Variants in TBCE observed in about 807,000 individuals in gnomAD.
The protein encoded by TBCE is tubulin folding cofactor E.
Under a neutral mutation model 77.0 loss-of-function variants are expected in TBCE, and 53 were observed. The observed-to-expected ratio is 0.69, with a 90% CI of 0.55 to 0.87. TBCE has a LOEUF of 0.87. TBCE is among the 40% of genes least tolerant of loss of function. The probability of loss-of-function intolerance (pLI) is 0.00; values close to 1 mark genes in which losing one functional copy is unlikely to be tolerated. For synonymous variants in TBCE, 235 were observed against 241.3 expected, an observed-to-expected ratio of 0.97 and a Z score of 0.24; for missense variants, 624 against 622.4, an observed-to-expected ratio of 1.00 and a Z score of -0.03.
intron 3 of TBCE, among the ~76,000 whole-genome samples, chr1:235,410,564 T>G (rs1679728604): frequency 6.6e-6 from 1 of 152,184 alleles, no homozygotes. Context: ...TAATGACCTG[T>G]ATCTTGTACC....
intron 3 of TBCE, among the ~76,000 whole-genome samples, chr1:235,405,851 G>A (rs1679393412): frequency 6.6e-6 from 1 of 152,114 alleles, no homozygotes; most frequent in Admixed American, 6.6e-5. Context: ...TTGTACTACA[G>A]CATTAAGACA....
intron 2 of TBCE, among the ~76,000 whole-genome samples, chr1:235,393,542 A>AG (rs1433700877): frequency 6.6e-6 from 1 of 152,220 alleles, no homozygotes; most frequent in Non-Finnish European, 1.5e-5. Flanking sequence ...TCTAAAAAAA[A>AG]TAGTATTTAT....
At position 235,452,065 on chromosome 1, in the gene TBCE, T is replaced by G. The variant is rs1682939479; in HGVS notation, c.*3303T>G. 6.6e-6 allele frequency: 1 copy of G among 152,072 alleles called. No homozygotes were observed. Among genetic ancestry groups the G allele is most frequent in the Non-Finnish European group, 1.5e-5 (1 of 68,100 alleles). 9.4% of individuals were successfully genotyped at this position (152,072 alleles called of 1,614,324 possible). A position where few individuals can be genotyped will look rare whatever the true frequency, so the allele number is the denominator to read the frequency against. On this transcript the variant is annotated 3_prime_UTR_variant, in exon 17 of 17. Transcript: ENST00000642610. ...TCTCGCTCTGTCGCCCAGGCTGGAG[T>G]ACAGTGGTGTGATCTTGGCTCACTG...
rs144747353 is a variant in TBCE, at chr1:235,414,441, C to T, written c.194C>T (p.Thr65Ile). The change falls in exon 4 of 17, where the codon ACA becomes ATA. Residue 65 changes from threonine (T) to isoleucine (I), a missense_variant. Transcript: ENST00000642610. Reference protein sequence around the residue: ...GTVYFKCRHPTGGSFIRPNKV... With the variant: ...GTVYFKCRHPIGGSFIRPNKV... Reference sequence around the variant, plus strand: ...TTGCTCTTCTTTACCAGGCACCCGACAGGAGGATCCTTTATTCGTCCGAAC... The same window carrying T: ...TTGCTCTTCTTTACCAGGCACCCGATAGGAGGATCCTTTATTCGTCCGAAC... 20 of 1,613,550 alleles carry T rather than the reference C, an allele frequency of 1.2e-5. No individual in the cohort carries two copies. Among genetic ancestry groups the T allele is most frequent in the Admixed American group, 6.7e-5 (4 of 59,952 alleles).
rs1391238859 is a variant in TBCE, at chr1:235,397,029, C to CT, written c.101-4474_101-4473insT. On this transcript the variant is annotated intron_variant, in intron 2 of 16. Coordinates refer to ENST00000642610, the MANE Select transcript of TBCE (RefSeq NM_003193.5). Reference sequence around the variant, plus strand: ...CTCGCTCTGTCTCCAAGCTGGAGTGCAGTAGCGCCATCTTGGCTCACTGCA... The same window carrying CT: ...CTCGCTCTGTCTCCAAGCTGGAGTGCTAGTAGCGCCATCTTGGCTCACTGCA... Among the ~76,000 whole-genome samples the CT allele has an allele frequency of 2.6e-5, 4 of 151,914 alleles. No individual in the cohort carries two copies. The East Asian group carries it at 7.7e-4, about 29-fold the overall frequency.
intron 2 of TBCE, among the ~76,000 whole-genome samples, chr1:235,395,379 T>C (rs1678659205): frequency 6.6e-6 from 1 of 152,048 alleles, no homozygotes; most frequent in Non-Finnish European, 1.5e-5. Flanking sequence ...CCCTTTTAGT[T>C]ATATAAAGAT....
At chr1:235,424,591 C>T (rs183598491) in intron 5 of TBCE, among the ~76,000 whole-genome samples, 19 of 151,720 alleles carry the variant, frequency 1.3e-4, no homozygotes, top group East Asian at 7.7e-4. Flanking sequence ...CTGTTACCTC[C>T]GCCTCCCAGG....
chr1:235,399,067 C>G (rs1678925367), intron 2 of TBCE, among the ~76,000 whole-genome samples: 1 of 152,122 alleles, frequency 6.6e-6, no homozygotes, highest in Admixed American at 6.5e-5. Context: ...GATCCTCCCA[C>G]CTCAGCCTTC....
At chr1:235,376,037 C>G (rs1379208697) in intron 1 of TBCE, among the ~76,000 whole-genome samples, 1 of 152,068 alleles carries the variant, frequency 6.6e-6, no homozygotes. Context: ...CAGAGCGAGA[C>G]TCTTCTCAAA....
At position 235,437,437 on chromosome 1, in the gene TBCE, C is replaced by A. The variant is rs1177122960; in HGVS notation, c.1079C>A (p.Ala360Asp). The change falls in exon 12 of 17, where the codon GCC (alanine) becomes GAC (aspartate). Residue 360 changes from alanine to aspartate, a missense_variant. By Grantham distance (126) the Ala-to-Asp change is moderately radical. Coordinates refer to ENST00000642610, the MANE Select transcript of TBCE (RefSeq NM_003193.5). Reference protein sequence around the residue: ...EAETARLLIIASIGQLKTLNK... With the variant: ...EAETARLLIIDSIGQLKTLNK... Reference sequence around the variant, plus strand: ...GAGACGGCGCGACTACTCATTATCGCCAGCATTGGCCAGCTGAAGACGCTG... The same window carrying A: ...GAGACGGCGCGACTACTCATTATCGACAGCATTGGCCAGCTGAAGACGCTG... 6 of 1,614,012 alleles carry A rather than the reference C, an allele frequency of 3.7e-6. No homozygotes were observed. In the Admixed American group the frequency reaches 6.7e-5, roughly 18 times the overall value.
chr1:235,398,885 T>C (rs1678914095), intron 2 of TBCE, among the ~76,000 whole-genome samples: 1 of 152,040 alleles, frequency 6.6e-6, no homozygotes, highest in African/African-American at 2.4e-5. Context: ...GCTCAAGCAA[T>C]CAGCCAGTCT....
intron 8 of TBCE, 39 bp downstream of exon 8, chr1:235,434,319 A>G (rs773053305): frequency 9.5e-5 from 144 of 1,512,562 alleles, no homozygotes; most frequent in Non-Finnish European, 1.3e-4. Flanking sequence ...TCCCCATTTA[A>G]TCATCATTCT....
intron 15 of TBCE, among the ~76,000 whole-genome samples, chr1:235,446,435 C>T (rs1036831117): frequency 6.6e-6 from 1 of 152,022 alleles, no homozygotes; most frequent in Non-Finnish European, 1.5e-5. Context: ...CCTCGGCCTC[C>T]CAAAGTGTTG....
rs112728551 is a variant in TBCE, at chr1:235,438,172, C to T, written c.1117-597C>T. On this transcript the variant is annotated intron_variant, in intron 12 of 16. Transcript: ENST00000642610. Reference sequence around the variant, plus strand: ...AGTCAGTCAGCTCCACCAGAGCAGGCGCCTCCAGGCAGACCTGGGGGAGGC... The same window carrying T: ...AGTCAGTCAGCTCCACCAGAGCAGGTGCCTCCAGGCAGACCTGGGGGAGGC... 2.7e-4 allele frequency among the ~76,000 whole-genome samples: 41 copies of T among 152,360 alleles called. 1 individual carries two copies. The highest frequency in any genetic ancestry group is 6.5e-4 in the Admixed American group (10 of 15,300).
chr1:235,403,868 T>TG (rs1679262378), intron 3 of TBCE, among the ~76,000 whole-genome samples: 1 of 152,206 alleles, frequency 6.6e-6, no homozygotes, highest in Non-Finnish European at 1.5e-5. Context: ...GGCTACTGTA[T>TG]GGCATAGCCT....
At chr1:235,387,705 C>T (rs1347365464) in intron 2 of TBCE, among the ~76,000 whole-genome samples, 1 of 152,146 alleles carries the variant, frequency 6.6e-6, no homozygotes, top group Non-Finnish European at 1.5e-5. Flanking sequence ...CATCTGTCAC[C>T]CCTTTCTTTG....
At chr1:235,410,819 T>G (rs905616416) in intron 3 of TBCE, among the ~76,000 whole-genome samples, 1 of 152,188 alleles carries the variant, frequency 6.6e-6, no homozygotes, top group African/African-American at 2.4e-5. Context: ...GCCTAACTGT[T>G]GGGTCTCTTG....
intron 1 of TBCE, among the ~76,000 whole-genome samples, chr1:235,374,768 TG>T (rs1167765323): frequency 1.4e-5 from 2 of 145,472 alleles, no homozygotes; most frequent in Admixed American, 1.4e-4. Flanking sequence ...CCCGAAGTGC[TG>T]GGATTACAGG....
At chr1:235,369,832 C>CAAA (rs113566222) in intron 1 of TBCE, among the ~76,000 whole-genome samples, 1 of 112,114 alleles carries the variant, frequency 8.9e-6, no homozygotes, top group Non-Finnish European at 2.0e-5. Context: ...AACTCTGTCT[C>CAAA]AAAAAAAAAA....
Sources: allele counts gnomAD v4.1 joint callset (sites outside exome capture counted in the v4.1 genomes callset), GRCh38; gene constraint gnomAD v4.1.1; transcripts MANE v1.5; gene names NCBI Gene and HGNC (gene_info 2026-07-23, HGNC 2026-07-21).